The following CYTH3 variants were observed in gnomAD, a reference collection of about 807,000 sequenced individuals.
CYTH3 encodes the protein cytohesin-3.
In CYTH3, 23 loss-of-function variants were observed where a neutral mutation model predicts 55.1. That is an observed-to-expected ratio of 0.42 (90% CI 0.30 to 0.59). CYTH3 has a LOEUF of 0.59. Among genes scored for constraint, CYTH3 ranks in the 20% least tolerant of loss-of-function variants. The probability of loss-of-function intolerance (pLI) is 0.20; values close to 1 mark genes in which losing one functional copy is unlikely to be tolerated. For missense variants in CYTH3, 413 were observed against 524.8 expected, an observed-to-expected ratio of 0.79 and a Z score of 2.08; for synonymous variants, 249 against 194.9, an observed-to-expected ratio of 1.28 and a Z score of -2.31.
intron 1 of CYTH3, among the ~76,000 whole-genome samples, chr7:6,240,588 G>A (rs1014910012): frequency 2.0e-5 from 3 of 152,238 alleles, no homozygotes; most frequent in South Asian, 2.1e-4. Flanking sequence ...GCAAGGTAAA[G>A]ATGAACTTTT....
In CYTH3 at chr7:6,167,120, A is replaced by T. The variant is rs1237040648; in HGVS notation, c.824-1310T>A. ...GGCACCGCCTCACTGGTCCCCTTTA[A>T]GACCCAGCCAGGCCCACAGCAAGGC... On this transcript the variant is annotated intron_variant, in intron 9 of 12. Transcript: ENST00000350796. The surrounding 1 kb of genome is among the most constrained non-coding windows in gnomAD (Gnocchi z 5.5). Among the ~76,000 whole-genome samples, 5 of 152,106 alleles carry T rather than the reference A, an allele frequency of 3.3e-5. No individual in the cohort carries two copies. Among genetic ancestry groups the T allele is most frequent in the African/African-American group, 7.2e-5 (3 of 41,418 alleles).
intron 1 of CYTH3, among the ~76,000 whole-genome samples, chr7:6,201,221 G>C (rs1245737429): frequency 6.6e-6 from 1 of 152,208 alleles, no homozygotes; most frequent in African/African-American, 2.4e-5. Context: ...TTCAAACTAT[G>C]ACATCCAGGT....
intron 6 of CYTH3, chr7:6,172,213 C>T (rs1356641200): frequency 2.0e-5 from 3 of 152,744 alleles, no homozygotes; most frequent in Non-Finnish European, 1.5e-5. Flanking sequence ...AGCCTGGCCC[C>T]GCGGGGCTCC....
chr7:6,166,810 C>T (rs1347817992), intron 9 of CYTH3, among the ~76,000 whole-genome samples: 1 of 152,162 alleles, frequency 6.6e-6, no homozygotes, highest in South Asian at 2.1e-4. Context: ...CCTTTGATGC[C>T]TAAGGCAGCC....
At chr7:6,174,620 C>T (rs1356058968) in intron 5 of CYTH3, among the ~76,000 whole-genome samples, 2 of 147,234 alleles carry the variant, frequency 1.4e-5, no homozygotes, top group African/African-American at 2.6e-5. Flanking sequence ...CATTCTTGGC[C>T]CACTGCAACC....
At chr7:6,245,194 G>T (rs1002671044) in intron 1 of CYTH3, among the ~76,000 whole-genome samples, 1 of 151,884 alleles carries the variant, frequency 6.6e-6, no homozygotes, top group African/African-American at 2.4e-5. Flanking sequence ...AATGCAGGGG[G>T]AAAGTGTAAG....
At chr7:6,180,205 G>A (rs952039365) in intron 4 of CYTH3, among the ~76,000 whole-genome samples, 2 of 152,186 alleles carry the variant, frequency 1.3e-5, no homozygotes, top group Non-Finnish European at 2.9e-5. Flanking sequence ...GAAGGCCCCT[G>A]CCACTGTCAG....
chr7:6,215,984 T>C (rs1429888831), intron 1 of CYTH3, among the ~76,000 whole-genome samples: 1 of 152,184 alleles, frequency 6.6e-6, no homozygotes, highest in Non-Finnish European at 1.5e-5. Context: ...TGAGACATTC[T>C]TAAATAAAGG....
chr7:6,179,801 C>T (rs567195603), intron 4 of CYTH3, among the ~76,000 whole-genome samples: 3 of 131,956 alleles, frequency 2.3e-5, no homozygotes, highest in South Asian at 5.0e-4. Context: ...ACACACCCAC[C>T]ACACACACCA....
At chr7:6,172,741 C>T in intron 6 of CYTH3, 1 of 1,231,100 alleles carries the variant, frequency 8.1e-7, no homozygotes, top group Non-Finnish European at 1.0e-6. Context: ...CAGGCCTGCA[C>T]CCTTCTCTGG....
In CYTH3 at chr7:6,165,840, G is replaced by A. The variant is rs368872213; in HGVS notation, c.824-30C>T. The A allele has an allele frequency of 5.6e-5, 90 of 1,611,996 alleles. No individual in the cohort carries two copies. In the African/African-American group the frequency reaches 6.7e-4, roughly 12 times the overall value. On this transcript the variant is annotated intron_variant, in intron 9 of 12. Transcript: ENST00000350796. ...AAGCAGAAGGGCCCCGTGAGTCTGC[G>A]CTCCGTGCACAGGGAGCCCGCGGGT...
chr7:6,243,265 T>G (rs1023370893), intron 1 of CYTH3, among the ~76,000 whole-genome samples: 13 of 152,192 alleles, frequency 8.5e-5, no homozygotes, highest in African/African-American at 3.1e-4. Context: ...GCTGGGCCTG[T>G]GTCTCTGTGC....
At chr7:6,249,555 G>A (rs992217212) in intron 1 of CYTH3, among the ~76,000 whole-genome samples, 1 of 152,204 alleles carries the variant, frequency 6.6e-6, no homozygotes, top group Non-Finnish European at 1.5e-5. Flanking sequence ...ACACTAACTA[G>A]TCTGAGCACA....
At chr7:6,219,249 G>A (rs60405118) in intron 1 of CYTH3, among the ~76,000 whole-genome samples, 65 of 152,294 alleles carry the variant, frequency 4.3e-4, no homozygotes, top group African/African-American at 1.4e-3. Context: ...AAAGCAGAAC[G>A]TGTAAGTGAT....
Position 6,248,725 on chromosome 7 carries a change from C to A in CYTH3, c.34+23749G>T, listed in dbSNP as rs571236573. On this transcript the variant is annotated intron_variant, in intron 1 of 12. Coordinates refer to ENST00000350796, the MANE Select transcript of CYTH3 (RefSeq NM_004227.4). ...CTCTCCCAAATTAGCACAGCCAACA[C>A]CACATCTCCATATGTTCCTCACAAC... is the stretch of plus-strand genomic sequence containing the variant. Among the ~76,000 whole-genome samples the A allele has an allele frequency of 3.9e-5, 6 of 152,366 alleles. No homozygotes were observed. The South Asian group carries it at 1.2e-3, about 32-fold the overall frequency.
At chr7:6,182,921 GTTTGTC>G (rs988492894) in intron 4 of CYTH3, among the ~76,000 whole-genome samples, 1 of 152,152 alleles carries the variant, frequency 6.6e-6, no homozygotes, top group Non-Finnish European at 1.5e-5. Flanking sequence ...CTTGGTGGGT[GTTTGTC>G]TTTGTATTTT....
intron 1 of CYTH3, among the ~76,000 whole-genome samples, chr7:6,211,359 G>C (rs1784315446): frequency 6.6e-6 from 1 of 152,256 alleles, no homozygotes. Context: ...CAGAATGATG[G>C]CTGAATGCAC....
At chr7:6,226,730 A>C (rs1401971585) in intron 1 of CYTH3, among the ~76,000 whole-genome samples, 1 of 152,214 alleles carries the variant, frequency 6.6e-6, no homozygotes, top group Non-Finnish European at 1.5e-5. Flanking sequence ...GAAGGTTCCT[A>C]TGCAGCAGAA....
In CYTH3 at chr7:6,230,113, C is replaced by T. The variant is rs559687904; in HGVS notation, c.35-39582G>A. ...TTATGCCACTGCACTCCAGCCTGGGCGACAGAGTGAGACTACATGTCAAAA... is the reference window on the plus strand; with the variant it reads ...TTATGCCACTGCACTCCAGCCTGGGTGACAGAGTGAGACTACATGTCAAAA... On this transcript the variant is annotated intron_variant, in intron 1 of 12. Coordinates refer to ENST00000350796, the MANE Select transcript of CYTH3 (RefSeq NM_004227.4). Among the ~76,000 whole-genome samples, 9 of 152,022 alleles carry T rather than the reference C, an allele frequency of 5.9e-5. No homozygotes were observed. The South Asian group carries it at 6.2e-4, about 11-fold the overall frequency.
Sources: allele counts gnomAD v4.1 joint callset (sites outside exome capture counted in the v4.1 genomes callset), GRCh38; gene constraint gnomAD v4.1.1; non-coding constraint Gnocchi (gnomAD v3.1); transcripts MANE v1.5; gene names NCBI Gene and HGNC (gene_info 2026-07-23, HGNC 2026-07-21).